The following EYA4 variants were observed in gnomAD, a reference collection of about 807,000 sequenced individuals.
EYA4 encodes protein phosphatase EYA4.
Under a neutral mutation model 87.9 loss-of-function variants are expected in EYA4, and 31 were observed. The ratio of observed to expected loss-of-function variants is 0.35; its 90% CI spans 0.27 to 0.48. The LOEUF (loss-of-function observed/expected upper bound fraction) is 0.48. Ranked by LOEUF, EYA4 falls within the 20% of genes least tolerant of loss-of-function variation. The probability of loss-of-function intolerance (pLI) is 0.99; values close to 1 mark genes in which losing one functional copy is unlikely to be tolerated. For missense variants in EYA4, 678 were observed against 761.4 expected (o/e 0.89, Z 1.29); for synonymous variants, 263 against 270.6 (o/e 0.97, Z 0.28).
Position 133,529,127 on chromosome 6 carries a change from A to G in EYA4, c.*322A>G. On this transcript the variant is annotated 3_prime_UTR_variant, in exon 20 of 20. Transcript: ENST00000355286. The stretch of plus-strand genomic sequence containing the variant: ...ACTCTTACCCTGGCAAAGCAGCAAC[A>G]CACATGCTCCGTCTGACAAGGTGGT... 3.3e-6 allele frequency: 4 copies of G among 1,194,158 alleles called. No homozygotes were observed. Among genetic ancestry groups the G allele is most frequent in the Non-Finnish European group, 4.2e-6 (4 of 948,198 alleles). 74.0% of individuals were successfully genotyped at this position (1,194,158 alleles called of 1,614,324 possible).
At chr6:133,513,184 T>C in intron 16 of EYA4, 146 bp downstream of exon 16, 1 of 805,284 alleles carries the variant, frequency 1.2e-6, no homozygotes. Context: ...TTCTTAGAAT[T>C]GGTGGGAAAA....
intron 2 of EYA4, among the ~76,000 whole-genome samples, chr6:133,297,188 G>T (rs1562261052): frequency 1.3e-5 from 2 of 152,090 alleles, no homozygotes; most frequent in Non-Finnish European, 2.9e-5. Context: ...GATAGCATTT[G>T]TGTTTCTGTT....
chr6:133,482,659 C>A (rs974657334), intron 12 of EYA4, among the ~76,000 whole-genome samples: 3 of 152,316 alleles, frequency 2.0e-5, no homozygotes, highest in South Asian at 2.1e-4. Flanking sequence ...TCTTTAAAAT[C>A]TAATTCTTTG....
intron 2 of EYA4, among the ~76,000 whole-genome samples, chr6:133,305,314 A>G (rs1238994058): frequency 6.6e-6 from 1 of 152,126 alleles, no homozygotes; most frequent in South Asian, 2.1e-4. Context: ...TAATAACATA[A>G]TATGTTTCAT....
At chr6:133,246,850 T>C (rs971188444) in intron 1 of EYA4, 2 of 152,138 alleles carry the variant, frequency 1.3e-5, no homozygotes, top group African/African-American at 4.8e-5. Flanking sequence ...ACTTTTGTTA[T>C]TCCTATTTTA....
rs1429854349 is a variant in EYA4, at chr6:133,530,841, A to G, written c.*2036A>G. The G allele has an allele frequency of 1.0e-6, 1 of 997,074 alleles. No individual in the cohort carries two copies. The highest frequency in any genetic ancestry group is 5.8e-5 in the Admixed American group (1 of 17,384). The allele number at this position is 997,074 out of a possible 1,614,324, so 61.8% of individuals were successfully genotyped here. A position where few individuals can be genotyped will look rare whatever the true frequency, so the allele number is the denominator to read the frequency against. Reference sequence around the variant, plus strand: ...TTAAAGTTGGAATACCTTTAATAATATAAAAATAATGATAGTAAATCTTAT... The same window carrying G: ...TTAAAGTTGGAATACCTTTAATAATGTAAAAATAATGATAGTAAATCTTAT... On this transcript the variant is annotated 3_prime_UTR_variant, in exon 20 of 20. Coordinates refer to ENST00000355286, the MANE Select transcript of EYA4 (RefSeq NM_004100.5).
At chr6:133,524,341 G>T (rs1330028501) in intron 18 of EYA4, among the ~76,000 whole-genome samples, 2 of 151,888 alleles carry the variant, frequency 1.3e-5, no homozygotes, top group Admixed American at 1.3e-4. Context: ...AGTATTTTTT[G>T]GACTTCTGAA....
At chr6:133,504,681 T>C (rs1798437760) in intron 13 of EYA4, among the ~76,000 whole-genome samples, 1 of 152,072 alleles carries the variant, frequency 6.6e-6, no homozygotes, top group Non-Finnish European at 1.5e-5. Flanking sequence ...CCTCAAAACA[T>C]GATGAAAGGA....
intron 9 of EYA4, among the ~76,000 whole-genome samples, chr6:133,464,354 T>A (rs754270434): frequency 2.2e-4 from 34 of 152,174 alleles, no homozygotes; most frequent in Non-Finnish European, 3.8e-4. Context: ...GTTCTGTATG[T>A]TTATTTCCCA....
intron 2 of EYA4, among the ~76,000 whole-genome samples, chr6:133,285,972 C>A (rs559263054): frequency 6.6e-6 from 1 of 152,256 alleles, no homozygotes; most frequent in Admixed American, 6.5e-5. Context: ...TTTCACCAAC[C>A]CTCTTTCATA....
intron 2 of EYA4, among the ~76,000 whole-genome samples, chr6:133,343,499 G>A (rs993435238): frequency 2.0e-5 from 3 of 151,504 alleles, no homozygotes; most frequent in South Asian, 2.1e-4. Flanking sequence ...GGTGCTTCCC[G>A]AGTTCCCTAG....
At chr6:133,394,291 T>A (rs999658794) in intron 3 of EYA4, among the ~76,000 whole-genome samples, 1,638 of 28,676 alleles carry the variant, frequency 0.057, 72 homozygotes, top group Non-Finnish European at 0.092. Context: ...TGTGTTTTTT[T>A]TTTTTTTTTT....
chr6:133,367,568 A>T (rs1453735696), intron 2 of EYA4, among the ~76,000 whole-genome samples: 2 of 152,236 alleles, frequency 1.3e-5, no homozygotes, highest in African/African-American at 4.8e-5. Context: ...ATCAGCTGTC[A>T]ATAGTTCATA....
At chr6:133,314,048 T>C (rs1780441776) in intron 2 of EYA4, among the ~76,000 whole-genome samples, 1 of 152,216 alleles carries the variant, frequency 6.6e-6, no homozygotes, top group African/African-American at 2.4e-5. Context: ...TTTTAAGTTG[T>C]AGAAAGCTTG....
At chr6:133,432,323 T>A (rs1475851335) in intron 3 of EYA4, among the ~76,000 whole-genome samples, 4 of 152,116 alleles carry the variant, frequency 2.6e-5, no homozygotes, top group African/African-American at 7.2e-5. Context: ...ACTTCCCAAT[T>A]GAATATTTAT....
At chr6:133,382,894 C>A (rs2128481464) in intron 3 of EYA4, among the ~76,000 whole-genome samples, 1 of 151,678 alleles carries the variant, frequency 6.6e-6, no homozygotes, top group Admixed American at 6.6e-5. Context: ...GTTAATTTGG[C>A]ATTCTCGTTT....
intron 3 of EYA4, among the ~76,000 whole-genome samples, chr6:133,434,311 A>G (rs976715912): frequency 4.6e-5 from 7 of 152,212 alleles, no homozygotes; most frequent in Non-Finnish European, 7.3e-5. Flanking sequence ...TTCTGATAGT[A>G]TAAGTTATCT....
intron 6 of EYA4, among the ~76,000 whole-genome samples, chr6:133,456,880 T>A (rs1468841417): frequency 2.0e-5 from 3 of 152,232 alleles, no homozygotes; most frequent in African/African-American, 7.2e-5. Context: ...CCCATGACTT[T>A]CTTATTATGG....
At chr6:133,518,057 CAA>C (rs1799755265) in intron 17 of EYA4, among the ~76,000 whole-genome samples, 1 of 152,078 alleles carries the variant, frequency 6.6e-6, no homozygotes, top group African/African-American at 2.4e-5. Flanking sequence ...TAATTGGTGA[CAA>C]GAGAGACCAA....
Sources: gnomAD v4.1 joint callset for allele counts (sites outside exome capture counted in the v4.1 genomes callset) on GRCh38, gnomAD v4.1.1 for gene constraint, MANE v1.5 for transcripts, NCBI Gene and HGNC (gene_info 2026-07-23, HGNC 2026-07-21) for gene names.